The following DPP6 variants were observed in gnomAD, a reference collection of about 807,000 sequenced individuals.
DPP6 encodes the protein A-type potassium channel modulatory protein DPP6.
A neutral mutation model predicts 122.6 loss-of-function variants in DPP6; 69 were observed. The observed-to-expected ratio is 0.56, with a 90% CI of 0.46 to 0.69. The LOEUF is 0.69. Ranked by LOEUF, DPP6 falls within the 30% of genes least tolerant of loss-of-function variation. DPP6 has a pLI of 0.00. For synonymous variants in DPP6, 418 were observed against 433.1 expected, an observed-to-expected ratio of 0.97 and a Z score of 0.43; for missense variants, 928 against 1,116.9, an observed-to-expected ratio of 0.83 and a Z score of 2.41.
intron 1 of DPP6, chr7:154,092,926 A>G (rs1460443225): frequency 6.6e-6 from 1 of 152,136 alleles, no homozygotes; most frequent in Non-Finnish European, 1.5e-5. Flanking sequence ...TTCTACAAAA[A>G]TATGGAGCCG....
the DPP6 span, among the ~76,000 whole-genome samples, chr7:153,864,265 T>G: frequency 6.6e-6 from 1 of 152,196 alleles, no homozygotes. Flanking sequence ...ACTTTTTTAT[T>G]ATAGCAATTT....
At chr7:154,568,398 T>G (rs1275214778) in intron 5 of DPP6, among the ~76,000 whole-genome samples, 1 of 152,226 alleles carries the variant, frequency 6.6e-6, no homozygotes, top group African/African-American at 2.4e-5. Context: ...TAGAGAATCT[T>G]TAATCATCGG....
intron 16 of DPP6, among the ~76,000 whole-genome samples, chr7:154,852,894 G>GA (rs5888603): frequency 0.95 from 145,147 of 152,224 alleles, 69,260 homozygotes; most frequent in East Asian, 1. Flanking sequence ...TTTAAATGAA[G>GA]GAAACACAGG....
At chr7:154,496,859 T>C (rs1824785910) in intron 3 of DPP6, among the ~76,000 whole-genome samples, 1 of 152,216 alleles carries the variant, frequency 6.6e-6, no homozygotes, top group African/African-American at 2.4e-5. Flanking sequence ...TCTTCCATGA[T>C]TACAGCTACA....
At chr7:154,385,488 C>A (rs1814026327) in intron 1 of DPP6, among the ~76,000 whole-genome samples, 1 of 152,122 alleles carries the variant, frequency 6.6e-6, no homozygotes, top group South Asian at 2.1e-4. Flanking sequence ...TAAAGTCCCT[C>A]ATCTGTCAAT....
intron 5 of DPP6, among the ~76,000 whole-genome samples, chr7:154,625,727 G>T (rs1563028862): frequency 6.6e-6 from 1 of 152,222 alleles, no homozygotes; most frequent in African/African-American, 2.4e-5. Context: ...TGTGTGCAAG[G>T]CGCACGGTAC....
intron 7 of DPP6, among the ~76,000 whole-genome samples, chr7:154,686,921 C>A (rs1031845471): frequency 1.3e-5 from 2 of 152,192 alleles, no homozygotes; most frequent in Non-Finnish European, 2.9e-5. Flanking sequence ...AGCTCGGACT[C>A]CAGGTCCACC....
At chr7:154,254,975 A>G (rs557191999) in intron 1 of DPP6, among the ~76,000 whole-genome samples, 2 of 152,336 alleles carry the variant, frequency 1.3e-5, no homozygotes, top group South Asian at 4.1e-4. Context: ...GAAAATTTGC[A>G]AATTTTCCTT....
the DPP6 span, among the ~76,000 whole-genome samples, chr7:153,838,960 T>C: frequency 6.6e-6 from 1 of 152,122 alleles, no homozygotes; most frequent in Admixed American, 6.5e-5. Flanking sequence ...AAATGTGCCA[T>C]TTGAGTCAGT....
chr7:153,865,829 A>G, the DPP6 span, among the ~76,000 whole-genome samples: 1 of 110,862 alleles, frequency 9.0e-6, no homozygotes, highest in Admixed American at 1.2e-4. Flanking sequence ...CAGGCCCCAG[A>G]GAGTGATATT....
At chr7:154,856,011 T>G (rs1254965946) in intron 17 of DPP6, among the ~76,000 whole-genome samples, 1 of 152,150 alleles carries the variant, frequency 6.6e-6, no homozygotes, top group Non-Finnish European at 1.5e-5. Flanking sequence ...TGCCCGATGG[T>G]TCTGTGAGAT....
intron 5 of DPP6, among the ~76,000 whole-genome samples, chr7:154,591,251 G>A (rs1195112042): frequency 6.6e-6 from 1 of 152,188 alleles, no homozygotes; most frequent in East Asian, 1.9e-4. Flanking sequence ...CCCATGGTGA[G>A]TTCTTCAATT....
intron 1 of DPP6, among the ~76,000 whole-genome samples, chr7:154,008,893 C>T (rs1391798188): frequency 6.7e-6 from 1 of 150,322 alleles, no homozygotes; most frequent in Non-Finnish European, 1.5e-5. Context: ...TCTCGATCTC[C>T]TGACCTCGTG....
chr7:154,711,264 T>G (rs2131303883), intron 7 of DPP6, among the ~76,000 whole-genome samples: 1 of 152,304 alleles, frequency 6.6e-6, no homozygotes, highest in East Asian at 1.9e-4. Context: ...TAAATAGTTT[T>G]CCCTAGTCTG....
chr7:154,290,634 A>G (rs1320585254), intron 1 of DPP6, among the ~76,000 whole-genome samples: 1 of 147,756 alleles, frequency 6.8e-6, no homozygotes, highest in East Asian at 2.0e-4. Flanking sequence ...TGACAAGAGC[A>G]AAACTCTGTC....
intron 8 of DPP6, among the ~76,000 whole-genome samples, chr7:154,765,683 C>G (rs1277052081): frequency 1.3e-5 from 2 of 152,194 alleles, no homozygotes; most frequent in Admixed American, 6.5e-5. Context: ...AAGAGAGAAG[C>G]AGCCATTGAA....
chr7:154,738,368 A>T (rs1018879822), intron 8 of DPP6, among the ~76,000 whole-genome samples: 8 of 152,120 alleles, frequency 5.3e-5, no homozygotes, highest in African/African-American at 1.7e-4. Context: ...TCTGGTACTG[A>T]TTCCCACCAC....
intron 7 of DPP6, among the ~76,000 whole-genome samples, chr7:154,684,722 A>C (rs1187743320): frequency 6.6e-6 from 1 of 152,154 alleles, no homozygotes; most frequent in Non-Finnish European, 1.5e-5. Flanking sequence ...TTATGATTGC[A>C]CGTACATGTA....
intron 7 of DPP6, among the ~76,000 whole-genome samples, chr7:154,706,879 C>T (rs1840858473): frequency 6.6e-6 from 1 of 152,168 alleles, no homozygotes; most frequent in South Asian, 2.1e-4. Context: ...CGTTTGAAAG[C>T]TGCATTGATG....
Sources: gnomAD v4.1 joint callset for allele counts (sites outside exome capture counted in the v4.1 genomes callset) on GRCh38, gnomAD v4.1.1 for gene constraint, MANE v1.5 for transcripts, NCBI Gene and HGNC (gene_info 2026-07-23, HGNC 2026-07-21) for gene names.